Variants in FGD5 observed in about 807,000 individuals in gnomAD.
The protein encoded by FGD5 is FYVE, RhoGEF and PH domain-containing protein 5.
Under a neutral mutation model 133.4 loss-of-function variants are expected in FGD5, and 28 were observed. That is an observed-to-expected ratio of 0.21 (90% CI 0.16 to 0.29). The LOEUF is 0.29. FGD5 is among the 10% of genes least tolerant of loss of function. The probability of loss-of-function intolerance (pLI) is 1.00; values close to 1 mark genes in which losing one functional copy is unlikely to be tolerated. For missense variants in FGD5, 1,858 were observed against 1,895.2 expected, an observed-to-expected ratio of 0.98 and a Z score of 0.36; for synonymous variants, 810 against 776.5, an observed-to-expected ratio of 1.04 and a Z score of -0.72.
intron 16 of FGD5, 145 bp from the exon 17 acceptor site, chr3:14,923,863 G>A: frequency 9.9e-7 from 1 of 1,006,626 alleles, no homozygotes; most frequent in South Asian, 1.6e-5. Flanking sequence ...CTGCAGGAGG[G>A]AGGGAGGAAG....
intron 1 of FGD5, among the ~76,000 whole-genome samples, chr3:14,825,630 C>T (rs2036585708): frequency 6.6e-6 from 1 of 152,084 alleles, no homozygotes; most frequent in Admixed American, 6.5e-5. Flanking sequence ...GCCTGGCTGA[C>T]AGAGCAGACC....
chr3:14,856,177 G>T (rs1224287902), intron 1 of FGD5, among the ~76,000 whole-genome samples: 1 of 152,100 alleles, frequency 6.6e-6, no homozygotes, highest in Admixed American at 6.5e-5. Flanking sequence ...AACATTAGTT[G>T]TCTGTATATA....
At chr3:14,913,844 C>CAA (rs1216456852) in intron 11 of FGD5, among the ~76,000 whole-genome samples, 1 of 152,202 alleles carries the variant, frequency 6.6e-6, no homozygotes, top group African/African-American at 2.4e-5. Flanking sequence ...TCCTCCCCTT[C>CAA]AAGCCAAGCT....
chr3:14,907,608 C>A, intron 9 of FGD5, 32 bp from the exon 10 acceptor site: 1 of 1,604,126 alleles, frequency 6.2e-7, no homozygotes, highest in Non-Finnish European at 8.5e-7. Flanking sequence ...GGGGCCCTGA[C>A]CATCTCTCCC....
intron 9 of FGD5, among the ~76,000 whole-genome samples, chr3:14,905,354 G>A (rs1477409868): frequency 6.6e-6 from 1 of 152,178 alleles, no homozygotes; most frequent in Non-Finnish European, 1.5e-5. Flanking sequence ...GTCTGTGTGT[G>A]TGTGTTGTGG....
intron 4 of FGD5, among the ~76,000 whole-genome samples, chr3:14,893,772 T>TTTTTTTTTG (rs2038080258): frequency 1.4e-5 from 2 of 146,256 alleles, no homozygotes; most frequent in Non-Finnish European, 3.0e-5. Context: ...TTTTTTTTTT[T>TTTTTTTTTG]GAGACAGAGT....
chr3:14,873,544 G>T (rs185370305), intron 2 of FGD5, among the ~76,000 whole-genome samples: 1 of 152,230 alleles, frequency 6.6e-6, no homozygotes, highest in East Asian at 1.9e-4. Flanking sequence ...AAGTGCGATG[G>T]GGAGGGCTGT....
rs568181696 is a variant in FGD5, at chr3:14,845,629, A to C, written c.2526-18499A>C. On this transcript the variant is annotated intron_variant, in intron 1 of 19. Transcript: ENST00000285046. ...CTGGGATGTGGGAGAGTTTATCAAG[A>C]CAGAGACCCAGACCCTGGAGCCTGG... Among the ~76,000 whole-genome samples, 5 of 152,298 alleles carry C rather than the reference A, an allele frequency of 3.3e-5. No homozygotes were observed. The South Asian group carries it at 1.0e-3, about 32-fold the overall frequency.
At chr3:14,886,901 T>C (rs3856825) in intron 4 of FGD5, among the ~76,000 whole-genome samples, 1 of 152,030 alleles carries the variant, frequency 6.6e-6, no homozygotes, top group Non-Finnish European at 1.5e-5. Context: ...AACATATTTT[T>C]TATGGTTTCA....
rs1240365824 is a variant in FGD5 at position 14,820,746 on chromosome 3, C to T, written c.1675C>T (p.Pro559Ser). 1.1e-5 allele frequency: 17 copies of T among 1,609,704 alleles called. No homozygotes were observed. In the South Asian group the frequency reaches 1.8e-4, roughly 17 times the overall value. The change falls in exon 1 of 20, where the codon CCA becomes TCA. Residue 559 changes from proline (P) to serine (S), a missense_variant. Around this residue, in one of 3 missense-constraint regions of FGD5, gnomAD observed 1,824 missense variants for 1,848.9 expected, o/e 0.99. Coordinates refer to ENST00000285046, the MANE Select transcript of FGD5 (RefSeq NM_152536.4). ...GTTCTCCGTGGAAGGCCGAGAGATT[C>T]CAGTGTCCGTGTACCAGGAGCCTGA... ...RSFSVEGREI[P>S]VSVYQEPEGS...
At position 14,819,722 on chromosome 3, in the gene FGD5, T is replaced by G. The variant is rs2036442668; in HGVS notation, c.651T>G (p.Asp217Glu). ...PDTPGEAEEDDEEGCASTDPA... is the reference protein window; with the variant it reads ...PDTPGEAEEDEEEGCASTDPA... ...CCCCCGGGGAGGCAGAGGAGGATGA[T>G]GAGGAAGGCTGTGCCAGCACAGACC... Residue 217 changes from aspartate to glutamate, a missense_variant, in exon 1 of 20, where the codon GAT becomes GAG. This residue lies in a region of FGD5 where 1,824 missense variants were observed against 1,848.9 expected (regional missense o/e 0.99). Coordinates refer to ENST00000285046, the MANE Select transcript of FGD5 (RefSeq NM_152536.4). This position sits in a 1 kb window ranked among gnomAD's most constrained non-coding sequence, Gnocchi z 4.1. 16 of 1,534,040 alleles carry G rather than the reference T, an allele frequency of 1.0e-5. No homozygotes were observed. The highest frequency in any genetic ancestry group is 1.4e-5 in the Non-Finnish European group (16 of 1,138,350).
At chr3:14,844,583 A>G (rs1372754130) in intron 1 of FGD5, among the ~76,000 whole-genome samples, 1 of 151,940 alleles carries the variant, frequency 6.6e-6, no homozygotes, top group Non-Finnish European at 1.5e-5. Context: ...CAGACCAGAC[A>G]GGCAGAGGTA....
At chr3:14,872,856 G>A (rs1301506451) in intron 2 of FGD5, among the ~76,000 whole-genome samples, 2 of 152,130 alleles carry the variant, frequency 1.3e-5, no homozygotes, top group African/African-American at 4.8e-5. Flanking sequence ...TAGAACAGGG[G>A]GCTTAGTTAG....
chr3:14,914,752 C>A (rs1237699510), intron 11 of FGD5, among the ~76,000 whole-genome samples: 1 of 152,214 alleles, frequency 6.6e-6, no homozygotes, highest in Non-Finnish European at 1.5e-5. Context: ...TGACCTCAGG[C>A]ATGGCCTCTG....
chr3:14,848,493 G>C (rs937023541), intron 1 of FGD5, among the ~76,000 whole-genome samples: 2 of 152,006 alleles, frequency 1.3e-5, no homozygotes, highest in African/African-American at 2.4e-5. Context: ...GGAGAACCAA[G>C]ATGCAAAAAG....
In FGD5 at chr3:14,820,361, T is replaced by C. The variant is rs749579674; in HGVS notation, c.1290T>C (p.Tyr430=). 6.0e-5 allele frequency: 96 copies of C among 1,613,314 alleles called. No individual in the cohort carries two copies. In the Admixed American group the frequency reaches 1.6e-3, roughly 26 times the overall value. The change falls in exon 1 of 20, where the codon TAT becomes TAC. Residue 430 remains tyrosine, a synonymous_variant. Coordinates refer to ENST00000285046, the MANE Select transcript of FGD5 (RefSeq NM_152536.4). The part of the protein sequence containing the change: ...EALDDALANP[Y]VMGVGLPGQA... Reference sequence around the variant, plus strand: ...TGGATGATGCACTGGCCAACCCCTATGTGATGGGAGTGGGCCTGCCCGGTC... The same window carrying C: ...TGGATGATGCACTGGCCAACCCCTACGTGATGGGAGTGGGCCTGCCCGGTC...
At chr3:14,924,300 A>G (rs2038747212) in intron 17 of FGD5, among the ~76,000 whole-genome samples, 162 bp downstream of exon 17, 1 of 152,138 alleles carries the variant, frequency 6.6e-6, no homozygotes, top group South Asian at 2.1e-4. Context: ...CCGACTTGAC[A>G]GTGATGGTGC....
At chr3:14,811,298 C>G (rs1008540639) in intron 1 of FGD5, 1 of 152,310 alleles carries the variant, frequency 6.6e-6, no homozygotes, top group Non-Finnish European at 1.5e-5. Flanking sequence ...CCCACGGGGC[C>G]CGTCCCGGAG....
chr3:14,907,778 C>T, intron 10 of FGD5, 67 bp downstream of exon 10: 1 of 1,519,338 alleles, frequency 6.6e-7, no homozygotes, highest in Non-Finnish European at 9.1e-7. Context: ...CCCCATTGTT[C>T]ACTGGGCTGG....
Sources: allele counts gnomAD v4.1 joint callset (sites outside exome capture counted in the v4.1 genomes callset), GRCh38; gene constraint gnomAD v4.1.1; regional missense constraint gnomAD v4.1.1; non-coding constraint Gnocchi (gnomAD v3.1); transcripts MANE v1.5; gene names NCBI Gene and HGNC (gene_info 2026-07-23, HGNC 2026-07-21).